Variants in SLC8A3 observed in about 807,000 individuals in gnomAD.
SLC8A3 encodes the protein sodium/calcium exchanger 3.
A neutral mutation model predicts 65.4 loss-of-function variants in SLC8A3; 37 were observed. The ratio of observed to expected loss-of-function variants is 0.57; its 90% CI spans 0.44 to 0.74. The LOEUF is 0.74. Ranked by LOEUF, SLC8A3 falls within the 30% of genes least tolerant of loss-of-function variation. The pLI, the probability that SLC8A3 is intolerant of heterozygous loss-of-function variation, is 0.00. For synonymous variants in SLC8A3, 461 were observed against 444.5 expected (o/e 1.04, Z -0.47); for missense variants, 1,112 against 1,172.1 (o/e 0.95, Z 0.75).
At position 70,090,081 on chromosome 14, in the gene SLC8A3, A is replaced by T. The variant is rs189596207; in HGVS notation, c.1785-29142T>A. ...ATTTTGCTAACTGCAGCCATTAATTACCTCATCACACAATCAAGCCATTGT... is the reference window on the plus strand; with the variant it reads ...ATTTTGCTAACTGCAGCCATTAATTTCCTCATCACACAATCAAGCCATTGT... On this transcript the variant is annotated intron_variant, in intron 2 of 6. Transcript: ENST00000356921. 5.3e-5 allele frequency among the ~76,000 whole-genome samples: 8 copies of T among 151,678 alleles called. No individual in the cohort carries two copies. The East Asian group carries it at 1.6e-3, about 30-fold the overall frequency.
intron 2 of SLC8A3, chr14:70,080,283 G>A (rs1203837464): frequency 1.0e-6 from 1 of 977,326 alleles, no homozygotes; most frequent in African/African-American, 1.8e-5. Context: ...GGAGGGGAGG[G>A]GAAGGACAGC....
chr14:70,142,058 T>C (rs1485523744), intron 2 of SLC8A3, among the ~76,000 whole-genome samples: 2 of 152,188 alleles, frequency 1.3e-5, no homozygotes, highest in African/African-American at 4.8e-5. Flanking sequence ...GAGCCAAGCC[T>C]GGCACCTAAT....
rs1449210314 is a variant in SLC8A3 at position 70,060,970 on chromosome 14, G to A, written c.1785-31C>T. ...GGGACAACAAGAGAGAGAGTGTGTC[G>A]ACTGGGTCGGTAGATTGGTTGGTCA... On this transcript the variant is annotated intron_variant, in intron 2 of 6. Coordinates refer to ENST00000356921, the MANE Select transcript of SLC8A3 (RefSeq NM_182932.3). 8 of 1,019,988 alleles carry A rather than the reference G, an allele frequency of 7.8e-6. No individual in the cohort carries two copies. The South Asian group carries it at 8.0e-5, about 10-fold the overall frequency. 63.2% of individuals were successfully genotyped at this position (1,019,988 alleles called of 1,614,324 possible). A position where few individuals can be genotyped will look rare whatever the true frequency, so the allele number is the denominator to read the frequency against.
intron 3 of SLC8A3, 80 bp from the exon 4 acceptor site, chr14:70,052,194 G>T (rs1473063481): frequency 6.7e-6 from 10 of 1,489,714 alleles, no homozygotes; most frequent in Admixed American, 2.5e-5. Flanking sequence ...TTAGGCATGG[G>T]CAGTGGGTAC....
At chr14:70,124,296 C>A (rs947741065) in intron 2 of SLC8A3, among the ~76,000 whole-genome samples, 2 of 152,210 alleles carry the variant, frequency 1.3e-5, no homozygotes, top group Non-Finnish European at 2.9e-5. Context: ...AGTGACCACC[C>A]CTTGCCTCTC....
At chr14:70,060,523 G>A (rs1236201074) in intron 3 of SLC8A3, 6 of 465,578 alleles carry the variant, frequency 1.3e-5, no homozygotes, top group Non-Finnish European at 2.1e-5. Flanking sequence ...ATTGAAAATT[G>A]TAGCAAAACA....
chr14:70,144,507 G>T (rs528829423), intron 2 of SLC8A3, among the ~76,000 whole-genome samples: 2 of 151,714 alleles, frequency 1.3e-5, no homozygotes, highest in East Asian at 3.9e-4. Context: ...GCACACGCCT[G>T]TAATCCCAGC....
At chr14:70,151,924 T>C (rs1440417041) in intron 2 of SLC8A3, among the ~76,000 whole-genome samples, 1 of 152,078 alleles carries the variant, frequency 6.6e-6, no homozygotes, top group African/African-American at 2.4e-5. Context: ...TAATCTAGTA[T>C]AACCTCATCA....
At chr14:70,147,419 G>C (rs1026334475) in intron 2 of SLC8A3, among the ~76,000 whole-genome samples, 10 of 152,108 alleles carry the variant, frequency 6.6e-5, no homozygotes, top group South Asian at 2.1e-4. Flanking sequence ...CCTTCTCTCC[G>C]CAAGAACATG....
rs1897189006 is a variant in SLC8A3 at position 70,166,804 on chromosome 14, T to C, written c.1619A>G (p.His540Arg). 1 of 1,614,110 alleles carries C rather than the reference T, an allele frequency of 6.2e-7. No individual in the cohort carries two copies. Among genetic ancestry groups the C allele is most frequent in the African/African-American group, 1.3e-5 (1 of 75,032 alleles). ...CATAACACCAATACTCTCACTGACA[T>C]GAATAGTATCACATTCAAAAGTGAA... ...GIFTFECDTI[H>R]VSESIGVMEV... The change falls in exon 2 of 7, where the codon CAT becomes CGT. Residue 540 changes from histidine to arginine, a missense_variant. His to Arg is a conservative substitution (Grantham distance 29). Transcript: ENST00000356921.
At chr14:70,112,613 C>T (rs73276726) in intron 2 of SLC8A3, among the ~76,000 whole-genome samples, 9,339 of 152,250 alleles carry the variant, frequency 0.061, 349 homozygotes, top group African/African-American at 0.098. Context: ...TCCCAGACAC[C>T]TCTCCATCCT....
At chr14:70,063,224 T>C (rs1337936902) in intron 2 of SLC8A3, among the ~76,000 whole-genome samples, 6 of 152,230 alleles carry the variant, frequency 3.9e-5, no homozygotes, top group Non-Finnish European at 7.3e-5. Flanking sequence ...ACCTGTACTT[T>C]CAGCTTCCTC....
intron 2 of SLC8A3, among the ~76,000 whole-genome samples, chr14:70,069,710 C>T (rs1489635389): frequency 6.6e-6 from 1 of 152,198 alleles, no homozygotes; most frequent in Non-Finnish European, 1.5e-5. Flanking sequence ...TTCCCTGACC[C>T]CTCTCCCAAG....
intron 2 of SLC8A3, among the ~76,000 whole-genome samples, chr14:70,158,122 C>A (rs1896683800): frequency 6.6e-6 from 1 of 152,018 alleles, no homozygotes; most frequent in African/African-American, 2.4e-5. Context: ...CTCTGCAGCA[C>A]CTAGAGCACA....
At chr14:70,095,080 TAG>T (rs1162066437) in intron 2 of SLC8A3, among the ~76,000 whole-genome samples, 2 of 151,796 alleles carry the variant, frequency 1.3e-5, no homozygotes, top group Non-Finnish European at 2.9e-5. Flanking sequence ...GCTCACCTCA[TAG>T]AGACGTTGTG....
At chr14:70,103,244 T>C (rs1255676447) in intron 2 of SLC8A3, among the ~76,000 whole-genome samples, 2 of 152,040 alleles carry the variant, frequency 1.3e-5, no homozygotes, top group African/African-American at 2.4e-5. Context: ...TTAAGATACA[T>C]GGAAATAGAG....
Position 70,045,846 on chromosome 14 carries a change from C to T in SLC8A3, c.*101G>A. ...TCCTGGGGCTTAGGTCCTGATGCTG[C>T]CTCTCCAGGGCAGTGCAGTCGGGAG... On this transcript the variant is annotated 3_prime_UTR_variant, in exon 7 of 7. Coordinates refer to ENST00000356921, the MANE Select transcript of SLC8A3 (RefSeq NM_182932.3). 8.2e-7 allele frequency: 1 copy of T among 1,217,626 alleles called. No homozygotes were observed. The allele number at this position is 1,217,626 out of a possible 1,614,324, so 75.4% of individuals were successfully genotyped here. A position where few individuals can be genotyped will look rare whatever the true frequency, so the allele number is the denominator to read the frequency against.
chr14:70,189,034 A>T (rs8022091), upstream of SLC8A3: 1 of 152,036 alleles, frequency 6.6e-6, no homozygotes, highest in African/African-American at 2.4e-5. Context: ...CAAGCCTCCA[A>T]ACGGAACGTC....
At chr14:70,092,059 T>G (rs1356586672) in intron 2 of SLC8A3, among the ~76,000 whole-genome samples, 1 of 152,214 alleles carries the variant, frequency 6.6e-6, no homozygotes, top group East Asian at 1.9e-4. Flanking sequence ...AAGAAATCCT[T>G]GTAGGGTTCT....
Sources: gnomAD v4.1 joint callset for allele counts (sites outside exome capture counted in the v4.1 genomes callset) on GRCh38, gnomAD v4.1.1 for gene constraint, MANE v1.5 for transcripts, NCBI Gene and HGNC (gene_info 2026-07-23, HGNC 2026-07-21) for gene names.